CDADC1: variants seen among roughly 807,000 people sequenced by gnomAD.
CDADC1 encodes the protein dCTP deaminase.
In CDADC1, 39 loss-of-function variants were observed where a neutral mutation model predicts 54.9. That is an observed-to-expected ratio of 0.71 (90% CI 0.55 to 0.93). CDADC1 has a LOEUF of 0.93. CDADC1 is among the 40% of genes least tolerant of loss of function. The pLI, the probability that CDADC1 is intolerant of heterozygous loss-of-function variation, is 0.00. For synonymous variants in CDADC1, 186 were observed against 204.0 expected, an observed-to-expected ratio of 0.91 and a Z score of 0.75; for missense variants, 518 against 618.8, an observed-to-expected ratio of 0.84 and a Z score of 1.73.
At chr13:49,266,697 G>A (rs1952824128) in intron 4 of CDADC1, among the ~76,000 whole-genome samples, 1 of 152,010 alleles carries the variant, frequency 6.6e-6, no homozygotes, top group South Asian at 2.1e-4. Context: ...TTGGGTTTGG[G>A]TTTTTTGTTT....
chr13:49,291,837 T>C lies in CDADC1; in HGVS notation c.*80T>C. 6.5e-7 allele frequency: 1 copy of C among 1,528,526 alleles called. No individual in the cohort carries two copies. Among genetic ancestry groups the C allele is most frequent in the Non-Finnish European group, 8.8e-7 (1 of 1,138,312 alleles). 94.7% of individuals were successfully genotyped at this position (1,528,526 alleles called of 1,614,324 possible). A position where few individuals can be genotyped will look rare whatever the true frequency, so the allele number is the denominator to read the frequency against. The stretch of plus-strand genomic sequence containing the variant: ...AATTCAGCCTTGTTCATTCAGAAAA[T>C]AAGGATGGATTTTGTGAATAATTGA... On this transcript the variant is annotated 3_prime_UTR_variant, in exon 10 of 10. Coordinates refer to ENST00000251108, the MANE Select transcript of CDADC1 (RefSeq NM_030911.4).
At chr13:49,251,657 T>A (rs540385976) in intron 2 of CDADC1, among the ~76,000 whole-genome samples, 1 of 152,268 alleles carries the variant, frequency 6.6e-6, no homozygotes, top group East Asian at 1.9e-4. Flanking sequence ...TGAAGTTTAT[T>A]TGCAAATAAT....
chr13:49,259,427 C>A lies in CDADC1; in HGVS notation c.334C>A (p.Gln112Lys), dbSNP rs754542836. The A allele has an allele frequency of 3.0e-5, 49 of 1,613,886 alleles. No homozygotes were observed. The highest frequency in any genetic ancestry group is 7.6e-6 in the Non-Finnish European group (9 of 1,179,872). ...TTCTAGTGAAGATTTACATGCCGGG[C>A]AGATTGCTCTTATTAAACATGGGTC... Reference protein sequence around the residue: ...HCSSEDLHAGQIALIKHGSRL... With the variant: ...HCSSEDLHAGKIALIKHGSRL... Residue 112 changes from glutamine (Q) to lysine (K), a missense_variant, in exon 4 of 10, where the codon CAG becomes AAG. Physicochemically the swap from Gln to Lys is moderately conservative, Grantham distance 53 (BLOSUM62 1). Coordinates refer to ENST00000251108, the MANE Select transcript of CDADC1 (RefSeq NM_030911.4).
chr13:49,261,953 G>A (rs1952695956), intron 4 of CDADC1, among the ~76,000 whole-genome samples: 1 of 152,190 alleles, frequency 6.6e-6, no homozygotes, highest in Non-Finnish European at 1.5e-5. Context: ...AAATTGCTAT[G>A]TTAGATTAGG....
intron 4 of CDADC1, among the ~76,000 whole-genome samples, chr13:49,265,324 A>G (rs114765205): frequency 1.5e-3 from 234 of 152,366 alleles, no homozygotes; most frequent in African/African-American, 5.3e-3. Context: ...TACAGAGTTT[A>G]TAGGCCACTG....
In CDADC1 at chr13:49,291,861, G is replaced by GA; in HGVS notation, c.*108dup. The GA allele has an allele frequency of 6.8e-7, 1 of 1,474,386 alleles. No homozygotes were observed. The highest frequency in any genetic ancestry group is 2.7e-5 in the Admixed American group (1 of 37,424). 91.3% of individuals were successfully genotyped at this position (1,474,386 alleles called of 1,614,324 possible). On this transcript the variant is annotated 3_prime_UTR_variant, in exon 10 of 10. Coordinates refer to ENST00000251108, the MANE Select transcript of CDADC1 (RefSeq NM_030911.4). ...ATAAGGATGGATTTTGTGAATAATT[G>GA]AAAAGATTTTTTAAGGAAGCTAATT...
rs765525767 is a variant in CDADC1 at position 49,267,721 on chromosome 13, C to T, written c.662C>T (p.Pro221Leu). 6.6e-5 allele frequency: 107 copies of T among 1,611,512 alleles called. No homozygotes were observed. The highest frequency in any genetic ancestry group is 2.8e-4 in the Admixed American group (17 of 59,688). Reference protein sequence around the residue: ...DFIQKITKTLPDANTDFYYEC... With the variant: ...DFIQKITKTLLDANTDFYYEC... ...ATTCAAAAAATTACAAAAACATTGCCGGATGCTAACACTGACTTTTATTAT... is the reference window on the plus strand; with the variant it reads ...ATTCAAAAAATTACAAAAACATTGCTGGATGCTAACACTGACTTTTATTAT... Residue 221 changes from proline to leucine, a missense_variant, in exon 5 of 10, where the codon CCG (proline) becomes CTG (leucine). Pro to Leu is a moderately conservative substitution (Grantham distance 98). Transcript: ENST00000251108.
chr13:49,283,864 ATAT>A (rs1275908375), intron 8 of CDADC1, among the ~76,000 whole-genome samples: 21 of 152,186 alleles, frequency 1.4e-4, no homozygotes. Flanking sequence ...CTGGCTGCAA[ATAT>A]TATGTAGATG....
chr13:49,281,083 C>T (rs1953318621), intron 8 of CDADC1, among the ~76,000 whole-genome samples: 1 of 152,114 alleles, frequency 6.6e-6, no homozygotes, highest in African/African-American at 2.4e-5. Flanking sequence ...ATCCGCCCGC[C>T]TCCGTCTCCC....
intron 8 of CDADC1, among the ~76,000 whole-genome samples, chr13:49,284,842 A>G (rs1953459786): frequency 6.6e-6 from 1 of 152,172 alleles, no homozygotes; most frequent in African/African-American, 2.4e-5. Context: ...GGTAATCCAT[A>G]TTTGTGTCCT....
At position 49,279,621 on chromosome 13, in the gene CDADC1, C is replaced by T. The variant is rs1157191348; in HGVS notation, c.1221-888C>T. 3.9e-5 allele frequency among the ~76,000 whole-genome samples: 6 copies of T among 152,088 alleles called. No individual in the cohort carries two copies. In the East Asian group the frequency reaches 7.7e-4, roughly 19 times the overall value. ...ATGGAATGGCATTGACAGAGCCATACGCTATAGATTATGTAGGTAGTATTG... is the reference window on the plus strand; with the variant it reads ...ATGGAATGGCATTGACAGAGCCATATGCTATAGATTATGTAGGTAGTATTG... On this transcript the variant is annotated intron_variant, in intron 7 of 9. Transcript: ENST00000251108.
chr13:49,273,600 G>A (rs1293459522), intron 5 of CDADC1, among the ~76,000 whole-genome samples: 1 of 152,122 alleles, frequency 6.6e-6, no homozygotes, highest in East Asian at 1.9e-4. Context: ...TCTTATGTTT[G>A]TTTATAACTT....
rs754195699 is a variant in CDADC1, at chr13:49,248,907, CTCTGCTCAGCCTCTGGAT to C, written c.120_137del (p.Leu41_Met46del). On this transcript the variant is annotated inframe_deletion, in exon 2 of 10. Transcript: ENST00000251108. ...AGGCTTTCTAAAGTCAACCTTTTCACTCTGCTCAGCCTCTGGATGGAGCTCTTTCCAGCAGAAGCCCAG... is the reference window on the plus strand; with the variant it reads ...AGGCTTTCTAAAGTCAACCTTTTCACGGAGCTCTTTCCAGCAGAAGCCCAG... The C allele has an allele frequency of 1.2e-6, 2 of 1,612,838 alleles. No individual in the cohort carries two copies. Among genetic ancestry groups the C allele is most frequent in the East Asian group, 4.5e-5 (2 of 44,882 alleles).
chr13:49,273,906 G>C (rs1319876978), intron 5 of CDADC1, among the ~76,000 whole-genome samples: 1 of 152,194 alleles, frequency 6.6e-6, no homozygotes, highest in Non-Finnish European at 1.5e-5. Context: ...AAATCCATTA[G>C]TTCTGAAACC....
intron 8 of CDADC1, among the ~76,000 whole-genome samples, chr13:49,283,288 T>C (rs897228072): frequency 2.6e-5 from 4 of 152,202 alleles, no homozygotes; most frequent in African/African-American, 9.7e-5. Context: ...TGTAATATTG[T>C]CATTTTTTTC....
intron 8 of CDADC1, among the ~76,000 whole-genome samples, chr13:49,282,671 C>T (rs1953383564): frequency 6.6e-6 from 1 of 152,200 alleles, no homozygotes; most frequent in African/African-American, 2.4e-5. Flanking sequence ...CAGGTTTCCC[C>T]AACCCCTGGG....
Position 49,267,919 on chromosome 13 carries a change from C to T in CDADC1, c.860C>T (p.Ala287Val). The T allele has an allele frequency of 1.2e-6, 2 of 1,614,168 alleles. No individual in the cohort carries two copies. The highest frequency in any genetic ancestry group is 8.5e-7 in the Non-Finnish European group (1 of 1,180,028). The change falls in exon 5 of 10, where the codon GCT becomes GTT. Residue 287 changes from alanine (A) to valine (V), a missense_variant. Ala to Val is a moderately conservative substitution (Grantham distance 64, BLOSUM62 0). Transcript: ENST00000251108. ...CTTATCCTACTTTTGGCCACAGTAGCTTCCAGTGTGCCGAACTTTAAACAC... is the reference window on the plus strand; with the variant it reads ...CTTATCCTACTTTTGGCCACAGTAGTTTCCAGTGTGCCGAACTTTAAACAC... Reference protein sequence around the residue: ...KDLILLLATVASSVPNFKHFG... With the variant: ...KDLILLLATVVSSVPNFKHFG...
chr13:49,273,728 A>G lies in CDADC1; in HGVS notation c.1001-563A>G, dbSNP rs554006180. Reference sequence around the variant, plus strand: ...GTTTAAATCAGAATTCTCTTCATGTACTTTCTAGCAATAGATAGATAGATC... The same window carrying G: ...GTTTAAATCAGAATTCTCTTCATGTGCTTTCTAGCAATAGATAGATAGATC... On this transcript the variant is annotated intron_variant, in intron 5 of 9. Coordinates refer to ENST00000251108, the MANE Select transcript of CDADC1 (RefSeq NM_030911.4). 1.6e-4 allele frequency among the ~76,000 whole-genome samples: 10 copies of G among 62,514 alleles called. No homozygotes were observed. In the East Asian group the frequency reaches 4.4e-3, roughly 27 times the overall value. The allele number at this position is 62,514 out of a possible 152,430, so 41.0% of individuals were successfully genotyped here. A position where few individuals can be genotyped will look rare whatever the true frequency, so the allele number is the denominator to read the frequency against.
chr13:49,258,005 C>T (rs577465337), intron 3 of CDADC1, among the ~76,000 whole-genome samples: 21 of 152,264 alleles, frequency 1.4e-4, no homozygotes, highest in African/African-American at 5.1e-4. Flanking sequence ...TATATACATC[C>T]TTAGGTACAT....
Sources: gnomAD v4.1 joint callset for allele counts (sites outside exome capture counted in the v4.1 genomes callset) on GRCh38, gnomAD v4.1.1 for gene constraint, MANE v1.5 for transcripts, NCBI Gene and HGNC (gene_info 2026-07-23, HGNC 2026-07-21) for gene names.